Variants in AUTS2 observed in about 807,000 individuals in gnomAD.
The protein encoded by AUTS2 is autism susceptibility gene 2 protein.
A neutral mutation model predicts 112.4 loss-of-function variants in AUTS2; 17 were observed. The ratio of observed to expected loss-of-function variants is 0.15; its 90% confidence interval spans 0.10 to 0.23. AUTS2 has a LOEUF of 0.23. Among genes scored for constraint, AUTS2 ranks in the 10% least tolerant of loss-of-function variants. The pLI is 1.00. For synonymous variants in AUTS2, 751 were observed against 702.7 expected, an observed-to-expected ratio of 1.07 and a Z score of -1.09; for missense variants, 1,510 against 1,701.6, an observed-to-expected ratio of 0.89 and a Z score of 1.98.
In AUTS2 at chr7:70,781,718, A is replaced by G; in HGVS notation, c.2108A>G (p.His703Arg). ...CTTTTTGGAGCCATCCACCACCCCC[A>G]TGACCTGGCACGGCCTTCAACTTTG... The part of the protein sequence containing the change: ...PSLFGAIHHP[H>R]DLARPSTLFS... The change falls in exon 15 of 19, where the codon CAT becomes CGT. Residue 703 changes from histidine (H) to arginine (R), a missense_variant. This residue lies in a region of AUTS2 where 788 missense variants were observed against 797.6 expected (regional missense o/e 0.99). Transcript: ENST00000342771. 1 of 1,614,152 alleles carries G rather than the reference A, an allele frequency of 6.2e-7. No homozygotes were observed. Among genetic ancestry groups the G allele is most frequent in the South Asian group, 1.1e-5 (1 of 91,084 alleles).
intron 5 of AUTS2, among the ~76,000 whole-genome samples, chr7:70,483,961 A>C (rs539533913): frequency 2.9e-4 from 44 of 152,334 alleles, no homozygotes; most frequent in Non-Finnish European, 5.6e-4. Flanking sequence ...CTGAAGGGAA[A>C]GAAAGGCTTG....
chr7:70,674,602 G>C (rs915605338), intron 5 of AUTS2, among the ~76,000 whole-genome samples: 6 of 152,166 alleles, frequency 3.9e-5, no homozygotes, highest in Non-Finnish European at 5.9e-5. Flanking sequence ...ACTGATAATG[G>C]CAACCTGGCC....
chr7:70,276,910 C>A (rs1787955560), intron 4 of AUTS2, among the ~76,000 whole-genome samples: 1 of 151,998 alleles, frequency 6.6e-6, no homozygotes, highest in South Asian at 2.1e-4. Flanking sequence ...TGGTAACTGG[C>A]CTTCAAAAGA....
intron 1 of AUTS2, among the ~76,000 whole-genome samples, chr7:69,631,228 C>T (rs1447785485): frequency 6.6e-6 from 1 of 151,890 alleles, no homozygotes; most frequent in Non-Finnish European, 1.5e-5. Context: ...GTCAGTGACC[C>T]ATAAAAGGTT....
At chr7:70,635,167 G>A (rs555473219) in intron 5 of AUTS2, among the ~76,000 whole-genome samples, 1 of 152,288 alleles carries the variant, frequency 6.6e-6, no homozygotes, top group Admixed American at 6.5e-5. Context: ...GGCTTCTGCT[G>A]CAGGCTAGCC....
At chr7:69,638,364 C>A (rs1794646394) in intron 1 of AUTS2, among the ~76,000 whole-genome samples, 2 of 152,182 alleles carry the variant, frequency 1.3e-5, no homozygotes, top group South Asian at 4.1e-4. Context: ...GATGAAGTGA[C>A]ATCTTTCTCA....
chr7:70,327,361 C>T (rs1035223656), intron 4 of AUTS2, among the ~76,000 whole-genome samples: 2 of 152,152 alleles, frequency 1.3e-5, no homozygotes, highest in African/African-American at 4.8e-5. Flanking sequence ...ACCCCAGGAG[C>T]AGGTCTTCTC....
chr7:69,940,413 A>G (rs930054890), intron 2 of AUTS2, among the ~76,000 whole-genome samples: 1 of 152,212 alleles, frequency 6.6e-6, no homozygotes, highest in African/African-American at 2.4e-5. Context: ...GGACAAAACT[A>G]TTCCAACATG....
chr7:70,770,624 C>T (rs1030644648), intron 10 of AUTS2, among the ~76,000 whole-genome samples: 1 of 152,178 alleles, frequency 6.6e-6, no homozygotes, highest in African/African-American at 2.4e-5. Context: ...CTTTTATAGG[C>T]TGTTGATTCA....
chr7:69,600,060 G>A, intron 1 of AUTS2, 98 bp downstream of exon 1: 1 of 1,116,182 alleles, frequency 9.0e-7, no homozygotes, highest in Admixed American at 2.1e-5. Context: ...CGGGCTGTCT[G>A]TCTGTCTGTC....
chr7:70,564,053 T>C (rs143943929), intron 5 of AUTS2, among the ~76,000 whole-genome samples: 230 of 152,312 alleles, frequency 1.5e-3, no homozygotes, highest in African/African-American at 5.3e-3. Flanking sequence ...AATAAAAAAG[T>C]AAAATCACTA....
intron 1 of AUTS2, among the ~76,000 whole-genome samples, chr7:69,778,925 TGTGCAATA>T (rs1789017476): frequency 6.6e-6 from 1 of 152,034 alleles, no homozygotes; most frequent in African/African-American, 2.4e-5. Flanking sequence ...GGTTGTGGAC[TGTGCAATA>T]GTGAGAGGCT....
chr7:69,801,445 G>T (rs1279337484), intron 1 of AUTS2, among the ~76,000 whole-genome samples: 2 of 149,218 alleles, frequency 1.3e-5, no homozygotes, highest in African/African-American at 4.9e-5. Context: ...ATATATGTAT[G>T]TATATAAATA....
At chr7:69,853,952 T>G (rs1463752906) in intron 1 of AUTS2, among the ~76,000 whole-genome samples, 1 of 152,210 alleles carries the variant, frequency 6.6e-6, no homozygotes, top group Non-Finnish European at 1.5e-5. Flanking sequence ...AAGTGATATA[T>G]GAAATCATGT....
intron 5 of AUTS2, among the ~76,000 whole-genome samples, chr7:70,661,622 C>T (rs923186114): frequency 2.6e-5 from 4 of 152,300 alleles, no homozygotes; most frequent in Admixed American, 6.5e-5. Context: ...ACAGTACTTT[C>T]TGTACATCGA....
chr7:70,034,177 C>T (rs1425129181), intron 2 of AUTS2, among the ~76,000 whole-genome samples: 1 of 152,094 alleles, frequency 6.6e-6, no homozygotes, highest in East Asian at 1.9e-4. Context: ...TTGGTGCTTA[C>T]CTGGTGTCCT....
At chr7:70,589,919 C>G (rs1802860016) in intron 5 of AUTS2, among the ~76,000 whole-genome samples, 1 of 152,276 alleles carries the variant, frequency 6.6e-6, no homozygotes, top group Admixed American at 6.5e-5. Flanking sequence ...GTTCCCCACT[C>G]AAACACTCCT....
chr7:70,403,231 C>T (rs1415798047), intron 4 of AUTS2, among the ~76,000 whole-genome samples: 1 of 152,152 alleles, frequency 6.6e-6, no homozygotes, highest in Non-Finnish European at 1.5e-5. Context: ...TAAAAGACAA[C>T]AGGATGTGAG....
intron 2 of AUTS2, among the ~76,000 whole-genome samples, chr7:69,957,051 T>C (rs77889325): frequency 7.5e-6 from 1 of 133,936 alleles, no homozygotes; most frequent in African/African-American, 2.7e-5. Flanking sequence ...TTGTTCTTTC[T>C]TTTTTTTTTT....
Sources: gnomAD v4.1 joint callset for allele counts (sites outside exome capture counted in the v4.1 genomes callset) on GRCh38, gnomAD v4.1.1 for gene constraint, gnomAD v4.1.1 regional missense constraint, MANE v1.5 for transcripts, NCBI Gene and HGNC (gene_info 2026-07-23, HGNC 2026-07-21) for gene names.